STYXL1: variants seen among roughly 807,000 people sequenced by gnomAD.
STYXL1 encodes the protein serine/threonine/tyrosine interacting like 1, also known as serine/threonine/tyrosine-interacting-like protein 1.
Under a neutral mutation model 36.4 loss-of-function variants are expected in STYXL1, and 32 were observed. That is an observed-to-expected ratio of 0.88 (90% confidence interval 0.66 to 1.18). The LOEUF (loss-of-function observed/expected upper bound fraction) is 1.18, where lower values mean the gene tolerates loss of function less well. STYXL1 is among the 50% of genes most tolerant of loss of function. The pLI is 0.00. For missense variants in STYXL1, 354 were observed against 394.1 expected, an observed-to-expected ratio of 0.90 and a Z score of 0.86; for synonymous variants, 133 against 144.1, an observed-to-expected ratio of 0.92 and a Z score of 0.55.
intron 1 of STYXL1, among the ~76,000 whole-genome samples, chr7:76,046,333 TGTGTGTGC>T (rs1205274525): frequency 2.0e-3 from 30 of 14,902 alleles, no homozygotes; most frequent in Middle Eastern, 0.033. Context: ...TGTGTGTGTG[TGTGTGTGC>T]GCGCGCGCGC....
intron 7 of STYXL1, 123 bp downstream of exon 7, chr7:76,003,634 TG>T: frequency 1.2e-6 from 1 of 837,970 alleles, no homozygotes; most frequent in Non-Finnish European, 1.9e-6. Context: ...TATGCCGAGC[TG>T]GGCCCTTTCT....
chr7:76,029,378 C>G (rs1020431718), intron 2 of STYXL1, among the ~76,000 whole-genome samples: 7 of 151,948 alleles, frequency 4.6e-5, no homozygotes, highest in African/African-American at 1.7e-4. Context: ...AACTCCTGAC[C>G]TCAGTTGATC....
chr7:76,040,862 A>G (rs1330814810), intron 1 of STYXL1, among the ~76,000 whole-genome samples: 1 of 151,998 alleles, frequency 6.6e-6, no homozygotes, highest in Non-Finnish European at 1.5e-5. Context: ...AGAAAATGAA[A>G]AGAAAAAGAA....
chr7:76,008,199 CAAAAAAAAAAAAAAA>C (rs60080805), intron 5 of STYXL1, among the ~76,000 whole-genome samples: 7 of 33,716 alleles, frequency 2.1e-4, no homozygotes, highest in East Asian at 2.2e-3. Flanking sequence ...AACTCCATCT[CAAAAAAAAAAAAAAA>C]AAAAAAAAAA....
intron 5 of STYXL1, among the ~76,000 whole-genome samples, chr7:76,011,808 C>T (rs890754026): frequency 2.0e-5 from 3 of 152,194 alleles, no homozygotes; most frequent in African/African-American, 7.2e-5. Context: ...CTCAAGTGCC[C>T]CTTCTCTGGG....
chr7:76,020,847 A>G (rs1793969636), intron 4 of STYXL1, among the ~76,000 whole-genome samples: 1 of 152,044 alleles, frequency 6.6e-6, no homozygotes, highest in Non-Finnish European at 1.5e-5. Context: ...CGTCCTTGTA[A>G]GCTGTTCTGC....
chr7:76,046,709 T>C (rs1369224163), intron 1 of STYXL1, among the ~76,000 whole-genome samples: 17 of 135,470 alleles, frequency 1.3e-4, no homozygotes, highest in African/African-American at 4.6e-4. Flanking sequence ...TACAGTGGGG[T>C]TATCTCGGCT....
rs71301271 is a variant in STYXL1 at position 75,999,511 on chromosome 7, A to ATG, written c.810+1377_810+1378dup. Among the ~76,000 whole-genome samples, 88 of 95,966 alleles carry ATG rather than the reference A, an allele frequency of 9.2e-4. 1 individual carries two copies. The highest frequency in any genetic ancestry group is 3.7e-3 in the African/African-American group (76 of 20,688). 63.0% of individuals were successfully genotyped at this position (95,966 alleles called of 152,430 possible). A position where few individuals can be genotyped will look rare whatever the true frequency, so the allele number is the denominator to read the frequency against. The stretch of plus-strand genomic sequence containing the variant: ...TTTTGTTGTGTGTGTGTGTGTGTGT[A>ATG]TGTGTGTGTGTGTGTGTGTGTGTGT... On this transcript the variant is annotated intron_variant, in intron 8 of 8. Transcript: ENST00000359697.
At chr7:76,040,466 G>C (rs534282012) in intron 1 of STYXL1, among the ~76,000 whole-genome samples, 1 of 152,128 alleles carries the variant, frequency 6.6e-6, no homozygotes, top group East Asian at 1.9e-4. Context: ...AACACCTCCC[G>C]GTTGTTCTGC....
intron 4 of STYXL1, among the ~76,000 whole-genome samples, chr7:76,020,028 AAACAAGAAAAG>A (rs1330144168): frequency 1.3e-5 from 2 of 151,990 alleles, no homozygotes; most frequent in African/African-American, 4.8e-5. Flanking sequence ...ATGCCATTTG[AAACAAGAAAAG>A]TTGCCTTGAA....
At chr7:76,002,909 G>A (rs1470352525) in intron 7 of STYXL1, among the ~76,000 whole-genome samples, 4 of 152,110 alleles carry the variant, frequency 2.6e-5, no homozygotes, top group South Asian at 2.1e-4. Flanking sequence ...GGGTGAACAA[G>A]CCAGACCCCG....
intron 3 of STYXL1, among the ~76,000 whole-genome samples, chr7:76,026,191 CCAAAAAAAAAAAAAAA>C (rs1426007779): frequency 1.9e-3 from 16 of 8,566 alleles, no homozygotes; most frequent in South Asian, 7.7e-3. Context: ...GACTCTGTCT[CCAAAAAAAAAAAAAAA>C]AAAAAAAAAA....
chr7:76,028,807 G>A, intron 2 of STYXL1, 104 bp from the exon 3 acceptor site: 1 of 1,033,688 alleles, frequency 9.7e-7, no homozygotes, highest in Non-Finnish European at 1.5e-6. Flanking sequence ...TGGCAGTTAA[G>A]GGATAGTCAT....
At chr7:76,030,894 C>G (rs1795257723) in intron 1 of STYXL1, among the ~76,000 whole-genome samples, 2 of 149,786 alleles carry the variant, frequency 1.3e-5, no homozygotes, top group Non-Finnish European at 1.5e-5. Context: ...AGAGTGGTGG[C>G]TCACACCTGT....
intron 3 of STYXL1, among the ~76,000 whole-genome samples, chr7:76,026,413 G>A (rs1554577740): frequency 6.6e-6 from 1 of 151,640 alleles, no homozygotes; most frequent in African/African-American, 2.4e-5. Context: ...CCAAGTAGCT[G>A]GTACTACAGA....
Position 76,047,772 on chromosome 7 carries a change from TG to T in STYXL1, c.-116del. 2.3e-6 allele frequency: 1 copy of T among 428,614 alleles called. No homozygotes were observed. The highest frequency in any genetic ancestry group is 2.7e-5 in the South Asian group (1 of 36,684). 26.6% of individuals were successfully genotyped at this position (428,614 alleles called of 1,614,324 possible). ...CTCCACCTCCCCGGCTGCGCGACTATGGCCAGGCTCCCTGTCGGAGCCTCTG... is the reference window on the plus strand; with the variant it reads ...CTCCACCTCCCCGGCTGCGCGACTATGCCAGGCTCCCTGTCGGAGCCTCTG... On this transcript the variant is annotated 5_prime_UTR_variant, in exon 1 of 9. Coordinates refer to ENST00000359697, the MANE Select transcript of STYXL1 (RefSeq NM_001317785.2).
intron 1 of STYXL1, among the ~76,000 whole-genome samples, chr7:76,043,296 C>T (rs566565206): frequency 5.3e-5 from 8 of 151,990 alleles, no homozygotes; most frequent in African/African-American, 1.9e-4. Flanking sequence ...CGCCCGCCAC[C>T]GTGCCCAACT....
chr7:75,997,616 A>T (rs1008193762), intron 8 of STYXL1, among the ~76,000 whole-genome samples: 3 of 151,482 alleles, frequency 2.0e-5, no homozygotes, highest in African/African-American at 7.3e-5. Flanking sequence ...CAGAACAATG[A>T]GGCAAGAAAA....
Position 76,005,418 on chromosome 7 carries a change from G to A in STYXL1, c.454-14C>T. On this transcript the variant is annotated splice_polypyrimidine_tract_variant and intron_variant, in intron 5 of 8. Transcript: ENST00000359697. ...TGCATCCAGTTCCTGAAGTGTGGAGGGAGAAAGGCAGCTATGAGCATATTC... is the reference window on the plus strand; with the variant it reads ...TGCATCCAGTTCCTGAAGTGTGGAGAGAGAAAGGCAGCTATGAGCATATTC... 1 of 1,590,990 alleles carries A rather than the reference G, an allele frequency of 6.3e-7. No homozygotes were observed. The highest frequency in any genetic ancestry group is 8.6e-7 in the Non-Finnish European group (1 of 1,163,864).
Sources: allele counts gnomAD v4.1 joint callset (sites outside exome capture counted in the v4.1 genomes callset), GRCh38; gene constraint gnomAD v4.1.1; transcripts MANE v1.5; gene names NCBI Gene and HGNC (gene_info 2026-07-23, HGNC 2026-07-21).